The following MAF variants were observed in gnomAD, a reference collection of about 807,000 sequenced individuals.
MAF encodes the protein transcription factor Maf.
Under a neutral mutation model 22.0 loss-of-function variants are expected in MAF, and 10 were observed. The ratio of observed to expected loss-of-function variants is 0.45; its 90% CI spans 0.28 to 0.77. The LOEUF is 0.77. Ranked by LOEUF, MAF falls within the 30% of genes least tolerant of loss-of-function variation. The pLI is 0.12. For missense variants in MAF, 544 were observed against 548.4 expected (o/e 0.99, Z 0.08); for synonymous variants, 337 against 255.8 (o/e 1.32, Z -3.03).
chr16:79,348,514 A>G, the MAF span, among the ~76,000 whole-genome samples: 1 of 152,240 alleles, frequency 6.6e-6, no homozygotes, highest in Non-Finnish European at 1.5e-5. Context: ...CTATCTCGCA[A>G]TATTGATTGG....
At chr16:79,353,176 C>G in the MAF span, among the ~76,000 whole-genome samples, 4 of 151,582 alleles carry the variant, frequency 2.6e-5, no homozygotes, top group Non-Finnish European at 1.5e-5. Flanking sequence ...GGCTGGAGAG[C>G]AGCTGCGCAA....
At chr16:79,358,000 C>G in the MAF span, among the ~76,000 whole-genome samples, 1 of 152,182 alleles carries the variant, frequency 6.6e-6, no homozygotes, top group Non-Finnish European at 1.5e-5. Flanking sequence ...TGTGAAGGTA[C>G]TTGAATGGCC....
the MAF span, among the ~76,000 whole-genome samples, chr16:79,310,418 C>A: frequency 6.6e-6 from 1 of 152,038 alleles, no homozygotes; most frequent in Non-Finnish European, 1.5e-5. Context: ...AGAGAATCAG[C>A]TGGAAAAGCC....
chr16:79,364,453 T>G, the MAF span, among the ~76,000 whole-genome samples: 1 of 152,160 alleles, frequency 6.6e-6, no homozygotes, highest in African/African-American at 2.4e-5. Context: ...TGGGTGGCAG[T>G]GTCATCCACT....
the MAF span, among the ~76,000 whole-genome samples, chr16:79,473,369 A>G: frequency 6.6e-6 from 1 of 152,286 alleles, no homozygotes; most frequent in East Asian, 1.9e-4. Flanking sequence ...TCCTTTTAAC[A>G]ATTCAGGGTC....
the MAF span, among the ~76,000 whole-genome samples, chr16:79,278,620 CG>C: frequency 6.6e-6 from 1 of 152,058 alleles, no homozygotes; most frequent in East Asian, 1.9e-4. Flanking sequence ...TGTCTGAAAG[CG>C]CAAGAGCTGT....
At chr16:79,249,073 G>A in the MAF span, among the ~76,000 whole-genome samples, 9 of 152,168 alleles carry the variant, frequency 5.9e-5, no homozygotes, top group Non-Finnish European at 1.0e-4. Flanking sequence ...GGGCCTTTGG[G>A]AAGTGGTAAG....
the MAF span, among the ~76,000 whole-genome samples, chr16:79,304,205 C>T: frequency 9.2e-5 from 14 of 152,134 alleles, no homozygotes; most frequent in Non-Finnish European, 2.1e-4. Context: ...TGTGACCTGT[C>T]GCACCCTGGC....
At chr16:79,325,812 A>G in the MAF span, among the ~76,000 whole-genome samples, 1 of 152,256 alleles carries the variant, frequency 6.6e-6, no homozygotes, top group African/African-American at 2.4e-5. Flanking sequence ...CAGAAAGAGC[A>G]GAACAAACAT....
the MAF span, among the ~76,000 whole-genome samples, chr16:79,429,026 G>C: frequency 5.9e-5 from 9 of 152,038 alleles, no homozygotes; most frequent in African/African-American, 2.2e-4. Context: ...GTCCATCCTT[G>C]GGCAAGCATG....
At chr16:79,520,115 T>C in the MAF span, among the ~76,000 whole-genome samples, 2 of 152,238 alleles carry the variant, frequency 1.3e-5, no homozygotes, top group African/African-American at 2.4e-5. Flanking sequence ...TGAATATGAA[T>C]GGCTCAACCA....
In MAF at chr16:79,600,085, GCCCGCGCCC is replaced by G. The variant is rs1047718846; in HGVS notation, c.-192_-184del. 210 of 701,170 alleles carry G rather than the reference GCCCGCGCCC, an allele frequency of 3.0e-4. 1 individual carries two copies. Among genetic ancestry groups the G allele is most frequent in the South Asian group, 1.7e-4 (8 of 47,172 alleles). The allele number at this position is 701,170 out of a possible 1,614,324, so 43.4% of individuals were successfully genotyped here. A position where few individuals can be genotyped will look rare whatever the true frequency, so the allele number is the denominator to read the frequency against. On this transcript the variant is annotated 5_prime_UTR_variant, in exon 1 of 2. Transcript: ENST00000326043. The stretch of plus-strand genomic sequence containing the variant: ...GCTCACACACACACCCCCCCGCCCT[GCCCGCGCCC>G]CCCGCGCCCGCCCTCCCTCCCCCCT...
At chr16:79,483,225 C>T in the MAF span, among the ~76,000 whole-genome samples, 23 of 3,406 alleles carry the variant, frequency 6.8e-3, 3 homozygotes, top group African/African-American at 0.036. Flanking sequence ...TCCCTCCCCT[C>T]CCCCTCCCTC....
At chr16:79,249,414 G>A in the MAF span, among the ~76,000 whole-genome samples, 2 of 80,368 alleles carry the variant, frequency 2.5e-5, no homozygotes, top group Admixed American at 1.3e-4. Context: ...GTGAAACTCC[G>A]TTTCAAAAAA....
the MAF span, among the ~76,000 whole-genome samples, chr16:79,344,017 T>C: frequency 1.3e-5 from 2 of 152,226 alleles, no homozygotes; most frequent in African/African-American, 4.8e-5. Flanking sequence ...TGTCATTTGC[T>C]CATCACAGAA....
chr16:79,497,532 G>T, the MAF span, among the ~76,000 whole-genome samples: 4 of 152,124 alleles, frequency 2.6e-5, no homozygotes, highest in Admixed American at 2.6e-4. Flanking sequence ...TTTTTAATTT[G>T]CCTTGCCACA....
chr16:79,415,375 A>C, the MAF span, among the ~76,000 whole-genome samples: 21 of 151,940 alleles, frequency 1.4e-4, no homozygotes, highest in African/African-American at 4.6e-4. Context: ...AGGAGGAAGG[A>C]GGGAGCAAGG....
chr16:79,574,741 C>T, the MAF span, among the ~76,000 whole-genome samples: 1 of 152,188 alleles, frequency 6.6e-6, no homozygotes, highest in Non-Finnish European at 1.5e-5. Flanking sequence ...CTCACTTTCC[C>T]TGGGCACCTT....
chr16:79,258,880 C>T, the MAF span, among the ~76,000 whole-genome samples: 11 of 152,174 alleles, frequency 7.2e-5, no homozygotes, highest in African/African-American at 2.7e-4. Context: ...AGACTGCCCA[C>T]TGCTGTGCGA....
Sources: gnomAD v4.1 joint callset for allele counts (sites outside exome capture counted in the v4.1 genomes callset) on GRCh38, gnomAD v4.1.1 for gene constraint, MANE v1.5 for transcripts, NCBI Gene and HGNC (gene_info 2026-07-23, HGNC 2026-07-21) for gene names.